LIMK1: variants seen among roughly 807,000 people sequenced by gnomAD.
The protein encoded by LIMK1 is LIM domain kinase 1.
LIMK1 carries 21 observed loss-of-function variants against 77.6 expected under a neutral mutation model. The ratio of observed to expected loss-of-function variants is 0.27; its 90% CI spans 0.19 to 0.39. The LOEUF is 0.39. Among genes scored for constraint, LIMK1 ranks in the 10% least tolerant of loss-of-function variants. LIMK1 has a pLI of 1.00. For missense variants in LIMK1, 696 were observed against 901.6 expected, an observed-to-expected ratio of 0.77 and a Z score of 2.92; for synonymous variants, 358 against 370.0, an observed-to-expected ratio of 0.97 and a Z score of 0.37.
In LIMK1 at chr7:74,111,621, A is replaced by G. The variant is rs781834931; in HGVS notation, c.1285-27A>G. On this transcript the variant is annotated intron_variant, in intron 10 of 15. Transcript: ENST00000336180. ...TGCCATCGGGGCCCCCACCGGCCCC[A>G]CCCTGGCCATTCTTTCTCCATCCCA... The G allele has an allele frequency of 9.4e-6, 15 of 1,603,862 alleles. No individual in the cohort carries two copies. The South Asian group carries it at 1.7e-4, about 18-fold the overall frequency.
chr7:74,089,347 A>G (rs1799195145), intron 2 of LIMK1, among the ~76,000 whole-genome samples: 1 of 152,098 alleles, frequency 6.6e-6, no homozygotes, highest in African/African-American at 2.4e-5. Flanking sequence ...TGTCTCTACA[A>G]AAAAATTAGC....
rs138833897 is a variant in LIMK1, at chr7:74,111,695, C to G, written c.1332C>G (p.Ile444Met). The change falls in exon 11 of 16, where the codon ATC (isoleucine) becomes ATG (methionine). Residue 444 changes from isoleucine to methionine, a missense_variant. Physicochemically the swap from Ile to Met is conservative, Grantham distance 10. Coordinates refer to ENST00000336180, the MANE Select transcript of LIMK1 (RefSeq NM_002314.4). The stretch of plus-strand genomic sequence containing the variant: ...AGAGAGTGAGCTTTGCCAAGGACAT[C>G]GCATCAGGGATGGTGAGTGAGCCGG... ...WSQRVSFAKD[I>M]ASGMAYLHSM... The G allele has an allele frequency of 1.2e-6, 2 of 1,613,112 alleles. No homozygotes were observed. The highest frequency in any genetic ancestry group is 2.2e-5 in the South Asian group (2 of 90,832).
chr7:74,095,138 GTT>G (rs1172677156), intron 2 of LIMK1, among the ~76,000 whole-genome samples: 8 of 152,152 alleles, frequency 5.3e-5, no homozygotes, highest in African/African-American at 1.9e-4. Context: ...GCTGTGGAGA[GTT>G]TCCTGGGTAG....
At chr7:74,085,911 A>G (rs1197872643) in intron 2 of LIMK1, 67 bp downstream of exon 2, 3 of 1,258,912 alleles carry the variant, frequency 2.4e-6, no homozygotes, top group Non-Finnish European at 3.4e-6. Flanking sequence ...AGGCTGGTCA[A>G]GGAATGGGGG....
Position 74,121,160 on chromosome 7 carries a change from A to G in LIMK1, c.1803A>G (p.Glu601=). The change falls in exon 16 of 16, where the codon GAA becomes GAG. Residue 601 remains glutamate, a synonymous_variant. Transcript: ENST00000336180. ...PEKRPSFVKL[E]HWLETLRMHL... The stretch of plus-strand genomic sequence containing the variant: ...CCAGGCCATCCTTTGTGAAGCTGGA[A>G]CACTGGCTGGAGACCCTCCGCATGC... 6.2e-7 allele frequency: 1 copy of G among 1,613,662 alleles called. No individual in the cohort carries two copies. Among genetic ancestry groups the G allele is most frequent in the South Asian group, 1.1e-5 (1 of 91,062 alleles).
At chr7:74,109,234 C>T (rs1352051247) in intron 10 of LIMK1, 198 bp downstream of exon 10, 3 of 541,342 alleles carry the variant, frequency 5.5e-6, no homozygotes, top group Non-Finnish European at 1.0e-5. Flanking sequence ...ATGGTGCACA[C>T]CTGTTATTCT....
chr7:74,108,123 G>A (rs1799618725), intron 9 of LIMK1, among the ~76,000 whole-genome samples, 166 bp downstream of exon 9: 1 of 152,046 alleles, frequency 6.6e-6, no homozygotes, highest in African/African-American at 2.4e-5. Context: ...AGGTTAAGGA[G>A]AGAGGATACT....
chr7:74,098,268 A>G (rs561517207), intron 4 of LIMK1, among the ~76,000 whole-genome samples: 189 of 152,324 alleles, frequency 1.2e-3, no homozygotes, highest in Non-Finnish European at 2.1e-3. Context: ...CTCATGAATA[A>G]CAAAGATACC....
chr7:74,115,934 T>C lies in LIMK1; in HGVS notation c.1543T>C (p.Trp515Arg), dbSNP rs1799799935. The C allele has an allele frequency of 6.2e-7, 1 of 1,614,164 alleles. No homozygotes were observed. Among genetic ancestry groups the C allele is most frequent in the Admixed American group, 1.7e-5 (1 of 60,012 alleles). Reference protein sequence around the residue: ...KRYTVVGNPYWMAPEMINGRS... With the variant: ...KRYTVVGNPYRMAPEMINGRS... ...CTACACCGTGGTGGGCAACCCCTAC[T>C]GGATGGCACCTGAGATGATCAACGG... Residue 515 changes from tryptophan (W) to arginine (R), a missense_variant, in exon 13 of 16, where the codon TGG becomes CGG. Transcript: ENST00000336180.
chr7:74,119,674 G>A lies in LIMK1; in HGVS notation c.1568-909G>A, dbSNP rs188331603. On this transcript the variant is annotated intron_variant, in intron 13 of 15. Coordinates refer to ENST00000336180, the MANE Select transcript of LIMK1 (RefSeq NM_002314.4). ...TGTAATCCCAGCACTTTGGGAGGCC[G>A]AGGCGGGCAGATCACTGGAGGTCAG... Among the ~76,000 whole-genome samples the A allele has an allele frequency of 4.9e-4, 74 of 151,646 alleles. 1 individual carries two copies. Among genetic ancestry groups the A allele is most frequent in the Middle Eastern group, 3.4e-3 (1 of 292 alleles).
intron 8 of LIMK1, among the ~76,000 whole-genome samples, chr7:74,107,476 G>A (rs1260178268): frequency 3.3e-5 from 5 of 152,058 alleles, no homozygotes; most frequent in Non-Finnish European, 4.4e-5. Context: ...CTGTAGGATC[G>A]CTTGAGCCCA....
At chr7:74,098,989 C>T (rs782217479) in intron 4 of LIMK1, 43 bp from the exon 5 acceptor site, 83 of 1,506,220 alleles carry the variant, frequency 5.5e-5, no homozygotes, top group Non-Finnish European at 6.9e-5. Flanking sequence ...AAATTGATGA[C>T]GCCCTTGACA....
rs781883446 is a variant in LIMK1 at position 74,105,799 on chromosome 7, G to C, written c.609-76G>C. ...CCTCCACCTGCTCACCCTGGATCTGGTGCCCTTCGCCTTGGTTTCCTGTTG... is the reference window on the plus strand; with the variant it reads ...CCTCCACCTGCTCACCCTGGATCTGCTGCCCTTCGCCTTGGTTTCCTGTTG... On this transcript the variant is annotated intron_variant, in intron 5 of 15. Transcript: ENST00000336180. The C allele has an allele frequency of 6.6e-4, 650 of 984,218 alleles. 1 individual carries two copies. The highest frequency in any genetic ancestry group is 9.2e-4 in the Non-Finnish European group (582 of 629,908). The allele number at this position is 984,218 out of a possible 1,614,324, so 61.0% of individuals were successfully genotyped here.
rs1412369928 is a variant in LIMK1, at chr7:74,121,441, AC to A, written c.*144del. ...GCCAGGCCCTGACTTGCCTTCTCCC[AC>A]CCCGTGGACCGCTTCCCCTGCCTTC... On this transcript the variant is annotated 3_prime_UTR_variant, in exon 16 of 16. Transcript: ENST00000336180. 54 of 820,276 alleles carry A rather than the reference AC, an allele frequency of 6.6e-5. No individual in the cohort carries two copies. The highest frequency in any genetic ancestry group is 3.7e-4 in the Middle Eastern group (1 of 2,714). The allele number at this position is 820,276 out of a possible 1,614,324, so 50.8% of individuals were successfully genotyped here. A position where few individuals can be genotyped will look rare whatever the true frequency, so the allele number is the denominator to read the frequency against.
At chr7:74,087,692 C>T (rs1014721959) in intron 2 of LIMK1, among the ~76,000 whole-genome samples, 6 of 151,862 alleles carry the variant, frequency 4.0e-5, no homozygotes, top group African/African-American at 1.2e-4. Context: ...CAGGTTCAAG[C>T]GATTCTCCTG....
At position 74,121,881 on chromosome 7, in the gene LIMK1, C is replaced by T. The variant is rs1799947774; in HGVS notation, c.*580C>T. On this transcript the variant is annotated 3_prime_UTR_variant, in exon 16 of 16. Coordinates refer to ENST00000336180, the MANE Select transcript of LIMK1 (RefSeq NM_002314.4). Reference sequence around the variant, plus strand: ...CCCAAAGCAGAGAGAGGGCTGATCCCATGGGGCGGAGGTCCCCAGTGGCTG... The same window carrying T: ...CCCAAAGCAGAGAGAGGGCTGATCCTATGGGGCGGAGGTCCCCAGTGGCTG... 6.5e-6 allele frequency: 1 copy of T among 152,980 alleles called. No individual in the cohort carries two copies. Among genetic ancestry groups the T allele is most frequent in the South Asian group, 2.1e-4 (1 of 4,838 alleles). 9.5% of individuals were successfully genotyped at this position (152,980 alleles called of 1,614,324 possible).
At chr7:74,104,829 C>T (rs1423599312) in intron 5 of LIMK1, among the ~76,000 whole-genome samples, 2 of 152,118 alleles carry the variant, frequency 1.3e-5, no homozygotes, top group Non-Finnish European at 2.9e-5. Context: ...AGAGCTTGGC[C>T]TCCTCTTGCA....
At chr7:74,108,352 G>A (rs1799625371) in intron 9 of LIMK1, among the ~76,000 whole-genome samples, 1 of 149,278 alleles carries the variant, frequency 6.7e-6, no homozygotes, top group Non-Finnish European at 1.5e-5. Context: ...AAAAATAAAA[G>A]TAACTGCATT....
rs539760655 is a variant in LIMK1, at chr7:74,106,955, T to C, written c.882-55T>C. 2.2e-5 allele frequency: 33 copies of C among 1,475,860 alleles called. No individual in the cohort carries two copies. The African/African-American group carries it at 4.3e-4, about 19-fold the overall frequency. The allele number at this position is 1,475,860 out of a possible 1,614,324, so 91.4% of individuals were successfully genotyped here. ...GGCAGGAGGAGGAAGGGGCAGGGCCTTGGCCGGGTGCTACCTGTCCCCCGG... is the reference window on the plus strand; with the variant it reads ...GGCAGGAGGAGGAAGGGGCAGGGCCCTGGCCGGGTGCTACCTGTCCCCCGG... On this transcript the variant is annotated intron_variant, in intron 7 of 15. Transcript: ENST00000336180.
Sources: gnomAD v4.1 joint callset for allele counts (sites outside exome capture counted in the v4.1 genomes callset) on GRCh38, gnomAD v4.1.1 for gene constraint, MANE v1.5 for transcripts, NCBI Gene and HGNC (gene_info 2026-07-23, HGNC 2026-07-21) for gene names.